BBX: variants seen among roughly 807,000 people sequenced by gnomAD.
The protein encoded by BBX is BBX high mobility group box domain containing.
In BBX, 30 loss-of-function variants were observed where a neutral mutation model predicts 100.2. The ratio of observed to expected loss-of-function variants is 0.30; its 90% CI spans 0.22 to 0.41. The LOEUF (loss-of-function observed/expected upper bound fraction) is 0.41, where lower values mean the gene tolerates loss of function less well. BBX is among the 10% of genes least tolerant of loss of function. The pLI is 1.00. For synonymous variants in BBX, 376 were observed against 388.1 expected (o/e 0.97, Z 0.37); for missense variants, 1,023 against 1,129.8 (o/e 0.91, Z 1.35).
intron 2 of BBX, among the ~76,000 whole-genome samples, chr3:107,623,160 T>C (rs1313554738): frequency 6.6e-6 from 1 of 152,220 alleles, no homozygotes; most frequent in Non-Finnish European, 1.5e-5. Context: ...AGCTGGAGTC[T>C]TTAATTACTG....
At chr3:107,653,161 T>C (rs1202421702) in intron 3 of BBX, among the ~76,000 whole-genome samples, 9 of 152,192 alleles carry the variant, frequency 5.9e-5, no homozygotes, top group Non-Finnish European at 8.8e-5. Context: ...CTTTGTGCCT[T>C]CAAGTTTGCC....
intron 3 of BBX, among the ~76,000 whole-genome samples, chr3:107,660,849 C>T (rs951390585): frequency 9.9e-5 from 15 of 152,076 alleles, no homozygotes; most frequent in Admixed American, 2.0e-4. Context: ...TAATTTCTAC[C>T]CTATGAAGTA....
At chr3:107,698,148 AC>A (rs1337624218) in intron 3 of BBX, among the ~76,000 whole-genome samples, 1 of 151,478 alleles carries the variant, frequency 6.6e-6, no homozygotes, top group Non-Finnish European at 1.5e-5. Flanking sequence ...TGCAGAAATC[AC>A]CCGTCTTCTG....
intron 13 of BBX, among the ~76,000 whole-genome samples, chr3:107,781,415 T>C (rs2067879573): frequency 6.6e-6 from 1 of 152,108 alleles, no homozygotes; most frequent in Non-Finnish European, 1.5e-5. Flanking sequence ...CCTTTCCTTC[T>C]AAAAATGAAT....
At chr3:107,752,187 T>G (rs1018638927) in intron 9 of BBX, among the ~76,000 whole-genome samples, 3 of 152,212 alleles carry the variant, frequency 2.0e-5, no homozygotes, top group Non-Finnish European at 4.4e-5. Flanking sequence ...AGATATTTGC[T>G]TTGCCTATAT....
intron 9 of BBX, among the ~76,000 whole-genome samples, chr3:107,754,728 A>C (rs1178764898): frequency 1.3e-5 from 2 of 152,214 alleles, no homozygotes; most frequent in Non-Finnish European, 2.9e-5. Context: ...TTAACTGAGA[A>C]AGAATTCAGA....
chr3:107,660,853 T>G (rs149470605), intron 3 of BBX, among the ~76,000 whole-genome samples: 1 of 152,176 alleles, frequency 6.6e-6, no homozygotes, highest in Non-Finnish European at 1.5e-5. Context: ...TTCTACCCTA[T>G]GAAGTACCCT....
chr3:107,724,550 G>T (rs920520870), intron 5 of BBX, among the ~76,000 whole-genome samples: 324 of 152,142 alleles, frequency 2.1e-3, no homozygotes, highest in African/African-American at 7.5e-3. Flanking sequence ...GTTCTAACAT[G>T]TAAGTCTTTA....
intron 2 of BBX, among the ~76,000 whole-genome samples, chr3:107,567,018 T>A (rs2050969904): frequency 6.6e-6 from 1 of 152,198 alleles, no homozygotes; most frequent in South Asian, 2.1e-4. Context: ...ACCATTCATT[T>A]ATTCTCAAAC....
chr3:107,746,159 G>T (rs1436872665), intron 8 of BBX, among the ~76,000 whole-genome samples: 1 of 151,812 alleles, frequency 6.6e-6, no homozygotes. Flanking sequence ...GGAATATATT[G>T]TATTTAGGTA....
chr3:107,754,453 A>G (rs2065318384), intron 9 of BBX, among the ~76,000 whole-genome samples: 1 of 152,226 alleles, frequency 6.6e-6, no homozygotes, highest in Non-Finnish European at 1.5e-5. Flanking sequence ...GTTAAAACTG[A>G]TAACACCCAG....
chr3:107,584,559 A>G (rs1298022482), intron 2 of BBX, among the ~76,000 whole-genome samples: 3 of 151,420 alleles, frequency 2.0e-5, no homozygotes, highest in African/African-American at 7.3e-5. Flanking sequence ...ATTGTCATAA[A>G]TGCTTAACAC....
At chr3:107,739,740 T>C (rs2063925084) in intron 7 of BBX, among the ~76,000 whole-genome samples, 1 of 152,058 alleles carries the variant, frequency 6.6e-6, no homozygotes, top group Non-Finnish European at 1.5e-5. Context: ...GTCAATTAGG[T>C]GGTTGTTGGA....
intron 3 of BBX, among the ~76,000 whole-genome samples, chr3:107,693,992 C>G (rs1379940267): frequency 1.3e-5 from 2 of 150,004 alleles, no homozygotes; most frequent in Non-Finnish European, 2.9e-5. Flanking sequence ...TGATTTGGCT[C>G]TCTGTCTGTT....
chr3:107,787,707 G>A (rs1419567948), intron 13 of BBX, among the ~76,000 whole-genome samples: 1 of 152,182 alleles, frequency 6.6e-6, no homozygotes, highest in African/African-American at 2.4e-5. Context: ...GGGAGATCAA[G>A]TGATGGGCAT....
At position 107,698,330 on chromosome 3, in the gene BBX, T is replaced by A. The variant is rs549031488; in HGVS notation, c.-9-12122T>A. Among the ~76,000 whole-genome samples the A allele has an allele frequency of 4.1e-4, 62 of 151,384 alleles. 1 individual carries two copies. The highest frequency in any genetic ancestry group is 9.0e-4 in the African/African-American group (37 of 41,012). ...AATTTAATATATATATATGTTTTTT[T>A]TAAAAAAAATGTATGATTGCTCTTA... On this transcript the variant is annotated intron_variant, in intron 3 of 17. Coordinates refer to ENST00000325805, the MANE Select transcript of BBX (RefSeq NM_001142568.3).
At chr3:107,616,005 C>CTTTTTTTTTTTTTTTTTTTTT (rs59614452) in intron 2 of BBX, among the ~76,000 whole-genome samples, 1 of 19,248 alleles carries the variant, frequency 5.2e-5, no homozygotes, top group African/African-American at 2.5e-4. Flanking sequence ...TACTCACCTG[C>CTTTTTTTTTTTTTTTTTTTTT]TTTTTTTTTT....
intron 5 of BBX, among the ~76,000 whole-genome samples, chr3:107,727,124 C>G (rs550835674): frequency 6.6e-6 from 1 of 152,026 alleles, no homozygotes; most frequent in African/African-American, 2.4e-5. Flanking sequence ...AATTTTATTT[C>G]TCATGACAAA....
chr3:107,790,151 T>A (rs2068851727), intron 14 of BBX, among the ~76,000 whole-genome samples: 1 of 152,190 alleles, frequency 6.6e-6, no homozygotes. Flanking sequence ...TTTGGTGCGT[T>A]TTGCAATTCA....
Sources: allele counts gnomAD v4.1 joint callset (sites outside exome capture counted in the v4.1 genomes callset), GRCh38; gene constraint gnomAD v4.1.1; transcripts MANE v1.5; gene names NCBI Gene and HGNC (gene_info 2026-07-23, HGNC 2026-07-21).